The following TECRL variants were observed in gnomAD, a reference collection of about 807,000 sequenced individuals.
The protein encoded by TECRL is trans-2,3-enoyl-CoA reductase like.
Under a neutral mutation model 52.8 loss-of-function variants are expected in TECRL, and 63 were observed. That is an observed-to-expected ratio of 1.19 (90% confidence interval 0.97 to 1.47). The LOEUF (loss-of-function observed/expected upper bound fraction) is 1.47. Among genes scored for constraint, TECRL ranks in the 40% most tolerant of loss-of-function variants. TECRL has a pLI of 0.00. For missense variants in TECRL, 482 were observed against 429.6 expected, an observed-to-expected ratio of 1.12 and a Z score of -1.08; for synonymous variants, 164 against 141.9, an observed-to-expected ratio of 1.16 and a Z score of -1.10.
intron 2 of TECRL, among the ~76,000 whole-genome samples, chr4:64,373,284 C>T (rs1722111999): frequency 1.3e-5 from 2 of 151,584 alleles, no homozygotes; most frequent in Non-Finnish European, 3.0e-5. Context: ...TTAAGTAAAG[C>T]TGTTAAAGAT....
intron 2 of TECRL, among the ~76,000 whole-genome samples, chr4:64,344,437 C>A (rs954056733): frequency 6.6e-6 from 1 of 151,870 alleles, no homozygotes; most frequent in Admixed American, 6.6e-5. Flanking sequence ...GTGAAAAAAA[C>A]ACAATTTAGG....
At chr4:64,315,232 A>T (rs1467883963) in intron 4 of TECRL, among the ~76,000 whole-genome samples, 1 of 152,090 alleles carries the variant, frequency 6.6e-6, no homozygotes, top group Admixed American at 6.5e-5. Context: ...CTCTAATTCA[A>T]ATGGAAACAA....
intron 2 of TECRL, among the ~76,000 whole-genome samples, chr4:64,338,873 G>A (rs1719330818): frequency 6.6e-6 from 1 of 152,094 alleles, no homozygotes; most frequent in South Asian, 2.1e-4. Context: ...AAGACAGTGG[G>A]GCGATTCCTC....
At chr4:64,283,185 T>C (rs915427233) in intron 9 of TECRL, among the ~76,000 whole-genome samples, 1 of 152,098 alleles carries the variant, frequency 6.6e-6, no homozygotes, top group Non-Finnish European at 1.5e-5. Context: ...CATGCAATCA[T>C]TGGAGACTTG....
chr4:64,318,429 A>C (rs1343306563), intron 4 of TECRL, among the ~76,000 whole-genome samples: 1 of 152,072 alleles, frequency 6.6e-6, no homozygotes, highest in African/African-American at 2.4e-5. Context: ...TGAATAGATA[A>C]TGGTAGCTAA....
chr4:64,332,012 T>C (rs1313614580), intron 2 of TECRL, among the ~76,000 whole-genome samples: 2 of 152,132 alleles, frequency 1.3e-5, no homozygotes, highest in African/African-American at 4.8e-5. Flanking sequence ...GAAAATATTT[T>C]ATCAAAATCT....
At position 64,312,469 on chromosome 4, in the gene TECRL, T is replaced by A. The variant is rs575905209; in HGVS notation, c.551+2179A>T. On this transcript the variant is annotated intron_variant, in intron 5 of 11. Transcript: ENST00000381210. Reference sequence around the variant, plus strand: ...CTACCAAACATGCTGTATTTCTGTTTAAGAATAGTAAGGCTGGTGCAGTGG... The same window carrying A: ...CTACCAAACATGCTGTATTTCTGTTAAAGAATAGTAAGGCTGGTGCAGTGG... 2.6e-4 allele frequency among the ~76,000 whole-genome samples: 40 copies of A among 152,282 alleles called. 2 individuals carry two copies. In the South Asian group the frequency reaches 8.3e-3, roughly 32 times the overall value.
chr4:64,313,245 C>A (rs934543043), intron 5 of TECRL, among the ~76,000 whole-genome samples: 1 of 151,024 alleles, frequency 6.6e-6, no homozygotes, highest in Non-Finnish European at 1.5e-5. Context: ...TAAATACTTA[C>A]AATTTGCTTC....
At chr4:64,357,725 T>C (rs1577929193) in intron 2 of TECRL, among the ~76,000 whole-genome samples, 2 of 151,618 alleles carry the variant, frequency 1.3e-5, no homozygotes, top group Non-Finnish European at 3.0e-5. Context: ...AAATTCTATT[T>C]TAAAAATTAG....
chr4:64,403,016 A>C (rs1724461725), intron 1 of TECRL, among the ~76,000 whole-genome samples: 1 of 151,194 alleles, frequency 6.6e-6, no homozygotes, highest in Non-Finnish European at 1.5e-5. Flanking sequence ...TGACACCACT[A>C]ATCTTGTCCT....
At chr4:64,329,534 T>C (rs951626652) in intron 2 of TECRL, among the ~76,000 whole-genome samples, 8 of 151,862 alleles carry the variant, frequency 5.3e-5, no homozygotes, top group African/African-American at 1.7e-4. Flanking sequence ...TAAGAATATA[T>C]TGTATGTTTT....
rs1718417889 is a variant in TECRL, at chr4:64,328,574, A to G, written c.287-18T>C. On this transcript the variant is annotated intron_variant, in intron 2 of 11. Transcript: ENST00000381210. The stretch of plus-strand genomic sequence containing the variant: ...CTTTGGACCTATTCAATGAAAAATA[A>G]CATTTAATTGTCAGAAAAAGTGTAA... 3 of 1,606,592 alleles carry G rather than the reference A, an allele frequency of 1.9e-6. No homozygotes were observed. In the Admixed American group the frequency reaches 5.1e-5, roughly 27 times the overall value.
At chr4:64,379,586 T>A (rs1722635583) in intron 1 of TECRL, among the ~76,000 whole-genome samples, 1 of 152,156 alleles carries the variant, frequency 6.6e-6, no homozygotes, top group Admixed American at 6.6e-5. Flanking sequence ...CTACTTCTGT[T>A]ATCTAACTCT....
chr4:64,397,895 AAT>A (rs995068170), intron 1 of TECRL: 3 of 73,094 alleles, frequency 4.1e-5, no homozygotes, highest in Non-Finnish European at 6.8e-5. Flanking sequence ...TTAGGAAAGA[AAT>A]ATGTGTGTGT....
chr4:64,283,370 G>A (rs1440589070), intron 9 of TECRL, among the ~76,000 whole-genome samples: 1 of 152,018 alleles, frequency 6.6e-6, no homozygotes, highest in Non-Finnish European at 1.5e-5. Flanking sequence ...TGTTGGAATG[G>A]CATTTTAGAG....
chr4:64,282,901 T>A (rs1291446543), intron 9 of TECRL, among the ~76,000 whole-genome samples: 3 of 152,100 alleles, frequency 2.0e-5, no homozygotes, highest in Non-Finnish European at 2.9e-5. Flanking sequence ...ATAGTTATTA[T>A]AATAGAGCTT....
intron 8 of TECRL, among the ~76,000 whole-genome samples, chr4:64,292,633 A>G (rs986503247): frequency 6.6e-6 from 1 of 152,036 alleles, no homozygotes; most frequent in Non-Finnish European, 1.5e-5. Context: ...TTAGTCAAAA[A>G]GTTTAACCTA....
intron 2 of TECRL, among the ~76,000 whole-genome samples, chr4:64,346,296 A>G (rs1719978431): frequency 6.6e-6 from 1 of 152,196 alleles, no homozygotes; most frequent in Admixed American, 6.5e-5. Flanking sequence ...TCACAGCCCC[A>G]CTAGGCAGTG....
intron 1 of TECRL, among the ~76,000 whole-genome samples, chr4:64,393,252 A>G (rs1723674496): frequency 6.6e-6 from 1 of 152,068 alleles, no homozygotes; most frequent in East Asian, 1.9e-4. Flanking sequence ...TTGGCAAAAA[A>G]GGACATGCAT....
Sources: allele counts gnomAD v4.1 joint callset (sites outside exome capture counted in the v4.1 genomes callset), GRCh38; gene constraint gnomAD v4.1.1; transcripts MANE v1.5; gene names NCBI Gene and HGNC (gene_info 2026-07-23, HGNC 2026-07-21).